Variants in PNKP observed in about 807,000 individuals in gnomAD.
PNKP encodes the protein bifunctional polynucleotide phosphatase/kinase.
Under a neutral mutation model 66.2 loss-of-function variants are expected in PNKP, and 82 were observed. That is an observed-to-expected ratio of 1.24 (90% CI 1.04 to 1.49). The LOEUF (loss-of-function observed/expected upper bound fraction) is 1.49. PNKP is among the 40% of genes most tolerant of loss of function. The pLI is 0.00. For missense variants in PNKP, 907 were observed against 706.8 expected, an observed-to-expected ratio of 1.28 and a Z score of -3.21; for synonymous variants, 412 against 298.9, an observed-to-expected ratio of 1.38 and a Z score of -3.90.
At chr19:49,862,901 C>G (rs554756156) in intron 8 of PNKP, 163 bp from the exon 9 acceptor site, 1 of 763,734 alleles carries the variant, frequency 1.3e-6, no homozygotes, top group South Asian at 1.5e-5. Flanking sequence ...TCCTGGCCCC[C>G]TCCCCCCTCC....
In PNKP at chr19:49,867,109, G is replaced by A; in HGVS notation, c.96C>T (p.Val32=). Residue 32 remains valine (V), a synonymous_variant, in exon 2 of 17, where the codon GTC becomes GTT. Coordinates refer to ENST00000322344, the MANE Select transcript of PNKP (RefSeq NM_007254.4). ...IFLPSDGQAL[V]LGRGPLTQVT... Reference sequence around the variant, plus strand: ...CCTGGGTCAGGGGTCCCCTGCCCAGGACCAGGGCTTGCCCGTCCGAGGGCA... The same window carrying A: ...CCTGGGTCAGGGGTCCCCTGCCCAGAACCAGGGCTTGCCCGTCCGAGGGCA... 2 of 1,613,580 alleles carry A rather than the reference G, an allele frequency of 1.2e-6. No homozygotes were observed. Among genetic ancestry groups the A allele is most frequent in the Non-Finnish European group, 1.7e-6 (2 of 1,179,954 alleles).
In PNKP at chr19:49,864,071, G is replaced by A. The variant is rs770006231; in HGVS notation, c.637C>T (p.Leu213=). Residue 213 remains leucine, a splice_region_variant and synonymous_variant, in exon 7 of 17, where the codon CTG becomes TTG. Coordinates refer to ENST00000322344, the MANE Select transcript of PNKP (RefSeq NM_007254.4). ...LRELEAEGYK[L]VIFTNQMSIG... ...CTCATCTGGTTGGTGAAGATCACCA[G>A]CTGGGGAGCAAAGGGTGTCACCAGA... 11 of 1,613,452 alleles carry A rather than the reference G, an allele frequency of 6.8e-6. No homozygotes were observed. The highest frequency in any genetic ancestry group is 1.3e-5 in the African/African-American group (1 of 74,938).
rs778604921 is a variant in PNKP, at chr19:49,861,540, C to T, written c.1387-30G>A. The T allele has an allele frequency of 1.2e-5, 19 of 1,601,824 alleles. No individual in the cohort carries two copies. The East Asian group carries it at 4.3e-4, about 36-fold the overall frequency. ...GGGGAACATCAGAGGGGCGGCAGGC[C>T]CAGGGGTCAGGGGAGGAGGGGGGTC... On this transcript the variant is annotated intron_variant, in intron 15 of 16. Transcript: ENST00000322344.
In PNKP at chr19:49,865,049, AAAGTT is replaced by A. The variant is rs2074807677; in HGVS notation, c.498+73_498+77del. 2.4e-6 allele frequency: 3 copies of A among 1,265,870 alleles called. No individual in the cohort carries two copies. The African/African-American group carries it at 4.4e-5, about 19-fold the overall frequency. The allele number at this position is 1,265,870 out of a possible 1,614,324, so 78.4% of individuals were successfully genotyped here. A position where few individuals can be genotyped will look rare whatever the true frequency, so the allele number is the denominator to read the frequency against. On this transcript the variant is annotated intron_variant, in intron 4 of 16. Coordinates refer to ENST00000322344, the MANE Select transcript of PNKP (RefSeq NM_007254.4). ...TCTCAGAAAAGTAAGTAGAGGCTAA[AAAGTT>A]GAGAGCACGCAACAAACGTGGGATT...
rs760819552 is a variant in PNKP, at chr19:49,864,321, C to G, written c.578+3G>C. The G allele has an allele frequency of 6.2e-7, 1 of 1,613,544 alleles. No individual in the cohort carries two copies. The highest frequency in any genetic ancestry group is 8.5e-7 in the Non-Finnish European group (1 of 1,179,472). ...CTCACTCCCTTGTTTTGCCTCTTAT[C>G]ACCTCCAGTCACTGGGGCCAGTGGG... On this transcript the variant is annotated splice_donor_region_variant and intron_variant, in intron 5 of 16. Transcript: ENST00000322344.
In PNKP at chr19:49,862,730, G is replaced by C. The variant is rs2074787530; in HGVS notation, c.825C>G (p.Asp275Glu). ...MWDHLQEQAN[D>E]GTPISIGDSI... ...TGTCCCCGATGGATATGGGCGTGCC[G>C]TCGTTGGCCTACGGGAGACGGTAGT... Residue 275 changes from aspartate (D) to glutamate (E), a missense_variant, in exon 9 of 17, where the codon GAC becomes GAG. Coordinates refer to ENST00000322344, the MANE Select transcript of PNKP (RefSeq NM_007254.4). The C allele has an allele frequency of 6.2e-7, 1 of 1,614,090 alleles. No individual in the cohort carries two copies. Among genetic ancestry groups the C allele is most frequent in the Admixed American group, 1.7e-5 (1 of 60,024 alleles).
rs1279136929 is a variant in PNKP, at chr19:49,861,265, G to GGCAGTACA, written c.1541_1548dup (p.Gln517CysfsTer?). The GGCAGTACA allele has an allele frequency of 4.4e-6, 7 of 1,608,074 alleles. No homozygotes were observed. The highest frequency in any genetic ancestry group is 1.7e-5 in the Admixed American group (1 of 60,000). On this transcript the variant is annotated frameshift_variant, in exon 17 of 17. Coordinates refer to ENST00000322344, the MANE Select transcript of PNKP (RefSeq NM_007254.4). LOFTEE classifies it high-confidence loss of function. ...GGCGGGGCTCAGCCCTCGGAGAACT[G>GGCAGTACA]GCAGTACAGCCGCCCCAGCCTCGGC...
chr19:49,861,206 A>AAGGAGAAAC lies in PNKP; in HGVS notation c.*33_*41dup, dbSNP rs754705634. On this transcript the variant is annotated 3_prime_UTR_variant, in exon 17 of 17. Transcript: ENST00000322344. ...TTCCAGCAAAATGCCGGCCAAGCTC[A>AAGGAGAAAC]AGGAGAAACAGCGTTTATTGTGGAG... 1 of 1,380,278 alleles carries AAGGAGAAAC rather than the reference A, an allele frequency of 7.2e-7. No individual in the cohort carries two copies. The highest frequency in any genetic ancestry group is 1.4e-5 in the African/African-American group (1 of 70,490). The allele number at this position is 1,380,278 out of a possible 1,614,324, so 85.5% of individuals were successfully genotyped here.
chr19:49,866,454 T>C lies in PNKP; in HGVS notation c.152-9A>G, dbSNP rs966751137. On this transcript the variant is annotated splice_polypyrimidine_tract_variant and intron_variant, in intron 2 of 16. Coordinates refer to ENST00000322344, the MANE Select transcript of PNKP (RefSeq NM_007254.4). Reference sequence around the variant, plus strand: ...ATCTGCGACCAGCTCCACTGAGGATTGGAGGGGTGGAGTCAGGATTTGCAT... The same window carrying C: ...ATCTGCGACCAGCTCCACTGAGGATCGGAGGGGTGGAGTCAGGATTTGCAT... 1.2e-6 allele frequency: 2 copies of C among 1,613,946 alleles called. No homozygotes were observed. Among genetic ancestry groups the C allele is most frequent in the East Asian group, 4.5e-5 (2 of 44,894 alleles).
rs767373594 is a variant in PNKP at position 49,863,668 on chromosome 19, C to T, written c.816+21G>A. ...CTGGAGTGAGGAAAAGGAGGGGGGC[C>T]GGGCAGGCTGCAAGACTCACCTGCT... On this transcript the variant is annotated intron_variant, in intron 8 of 16. Coordinates refer to ENST00000322344, the MANE Select transcript of PNKP (RefSeq NM_007254.4). 10 of 1,541,960 alleles carry T rather than the reference C, an allele frequency of 6.5e-6. No individual in the cohort carries two copies. In the East Asian group the frequency reaches 7.3e-5, roughly 11 times the overall value.
Position 49,862,020 on chromosome 19 carries a change from G to C in PNKP, c.1188+24C>G, listed in dbSNP as rs370351286. 19 of 1,613,128 alleles carry C rather than the reference G, an allele frequency of 1.2e-5. No individual in the cohort carries two copies. In the Middle Eastern group the frequency reaches 4.9e-4, roughly 42 times the overall value. On this transcript the variant is annotated intron_variant, in intron 13 of 16. Coordinates refer to ENST00000322344, the MANE Select transcript of PNKP (RefSeq NM_007254.4). The stretch of plus-strand genomic sequence containing the variant: ...GAGATGGGAACTTTATAATAGATTT[G>C]GGGCGGCAAAAGCCTGGTCATACCC...
intron 13 of PNKP, 59 bp downstream of exon 13, chr19:49,861,985 T>C (rs2074772523): frequency 2.5e-6 from 4 of 1,598,196 alleles, no homozygotes; most frequent in East Asian, 2.2e-5. Flanking sequence ...CCCAAACCAG[T>C]TGAGAGGTGG....
In PNKP at chr19:49,861,882, C is replaced by T; in HGVS notation, c.1189-1G>A. 1 of 1,588,334 alleles carries T rather than the reference C, an allele frequency of 6.3e-7. No individual in the cohort carries two copies. Among genetic ancestry groups the T allele is most frequent in the Non-Finnish European group, 8.5e-7 (1 of 1,170,144 alleles). On this transcript the variant is annotated splice_acceptor_variant, in intron 13 of 16. Coordinates refer to ENST00000322344, the MANE Select transcript of PNKP (RefSeq NM_007254.4). LOFTEE classifies it high-confidence loss of function. ...AGCGCTGCCAGGAGCCTAGCGTGTC[C>T]TGGGGACACGAGAGGTCACAAACAG...
At position 49,864,166 on chromosome 19, in the gene PNKP, C is replaced by A; in HGVS notation, c.636+13G>T. On this transcript the variant is annotated intron_variant, in intron 6 of 16. Coordinates refer to ENST00000322344, the MANE Select transcript of PNKP (RefSeq NM_007254.4). Reference sequence around the variant, plus strand: ...ACGTGCACGTGCCCATGCAGACAGGCGGCTGCACATACCTTGTAGCCCTCG... The same window carrying A: ...ACGTGCACGTGCCCATGCAGACAGGAGGCTGCACATACCTTGTAGCCCTCG... 1 of 1,612,404 alleles carries A rather than the reference C, an allele frequency of 6.2e-7. No homozygotes were observed. Among genetic ancestry groups the A allele is most frequent in the Non-Finnish European group, 8.5e-7 (1 of 1,178,396 alleles).
In PNKP at chr19:49,862,675, C is replaced by A. The variant is rs1395169274; in HGVS notation, c.865+15G>T. ...AGGCGTCCCAGCCCACCCTCAGCAG[C>A]CTCCAGGCCCTTACCTCCCACAAAG... On this transcript the variant is annotated intron_variant, in intron 9 of 16. Transcript: ENST00000322344. The A allele has an allele frequency of 6.8e-6, 11 of 1,614,098 alleles. No homozygotes were observed. Among genetic ancestry groups the A allele is most frequent in the Non-Finnish European group, 8.5e-6 (10 of 1,179,964 alleles).
At position 49,861,300 on chromosome 19, in the gene PNKP, A is replaced by T. The variant is rs757607109; in HGVS notation, c.1514T>A (p.Leu505Gln). 3.1e-6 allele frequency: 5 copies of T among 1,614,036 alleles called. No homozygotes were observed. In the South Asian group the frequency reaches 5.5e-5, roughly 18 times the overall value. Residue 505 changes from leucine to glutamine, a missense_variant, in exon 17 of 17, where the codon CTA (leucine) becomes CAA (glutamine). Leu to Gln is a moderately radical substitution (Grantham distance 113). Transcript: ENST00000322344. ...FSAILEIPFRLWVEPRLGRLY... is the reference protein window; with the variant it reads ...FSAILEIPFRQWVEPRLGRLY... ...CCGCCCCAGCCTCGGCTCCACCCAT[A>T]GCCGGAACGGGATCTCCAGGATGGC...
rs920231330 is a variant in PNKP at position 49,867,236 on chromosome 19, G to T, written c.-13-19C>A. On this transcript the variant is annotated intron_variant, in intron 1 of 16. Coordinates refer to ENST00000322344, the MANE Select transcript of PNKP (RefSeq NM_007254.4). The stretch of plus-strand genomic sequence containing the variant: ...TGCCGGCCTGGGGAGCAGGTAAACG[G>T]GCTTGAGCGGCGCACAGCCCCAATT... 2.8e-5 allele frequency: 45 copies of T among 1,589,896 alleles called. No individual in the cohort carries two copies. Among genetic ancestry groups the T allele is most frequent in the African/African-American group, 4.0e-5 (3 of 74,178 alleles).
At position 49,865,355 on chromosome 19, in the gene PNKP, C is replaced by T; in HGVS notation, c.270G>A (p.Gly90=). Residue 90 remains glycine, a synonymous_variant, in exon 4 of 17, where the codon GGG becomes GGA. Transcript: ENST00000322344. ...GGCCATTGACCAAATACAGTGTGTC[C>T]CCCACCCCCAGAGAGCCCTCCAACC... ...KPGLEGSLGV[G]DTLYLVNGLH... is the part of the protein sequence containing the mutation. 1 of 1,613,676 alleles carries T rather than the reference C, an allele frequency of 6.2e-7. No individual in the cohort carries two copies. The highest frequency in any genetic ancestry group is 1.3e-5 in the African/African-American group (1 of 75,008).
rs1055603577 is a variant in PNKP, at chr19:49,861,804, G to A, written c.1266C>T (p.Asp422=). 1.3e-6 allele frequency: 2 copies of A among 1,577,366 alleles called. No homozygotes were observed. The highest frequency in any genetic ancestry group is 1.2e-5 in the South Asian group (1 of 86,912). The part of the protein sequence containing the change: ...ALKQGKRVAI[D]NTNPDAASRA... ...GGCTCGCGGCGTCTGGGTTTGTGTTGTCGATGGCGACCCGTTTCCCTTGCT... is the reference window on the plus strand; with the variant it reads ...GGCTCGCGGCGTCTGGGTTTGTGTTATCGATGGCGACCCGTTTCCCTTGCT... Residue 422 remains aspartate, a synonymous_variant, in exon 14 of 17, where the codon GAC becomes GAT. Coordinates refer to ENST00000322344, the MANE Select transcript of PNKP (RefSeq NM_007254.4).
Sources: gnomAD v4.1 joint callset for allele counts on GRCh38, gnomAD v4.1.1 for gene constraint, MANE v1.5 for transcripts, NCBI Gene and HGNC (gene_info 2026-07-23, HGNC 2026-07-21) for gene names.